Variants in PCDH9 observed in about 807,000 individuals in gnomAD.
PCDH9 encodes the protein protocadherin-9.
PCDH9 carries 24 observed loss-of-function variants against 70.6 expected under a neutral mutation model. The observed-to-expected ratio is 0.34, with a 90% CI of 0.25 to 0.48. The LOEUF (loss-of-function observed/expected upper bound fraction) is 0.48. PCDH9 is among the 20% of genes least tolerant of loss of function. The probability of loss-of-function intolerance (pLI) is 0.99; values close to 1 mark genes in which losing one functional copy is unlikely to be tolerated. For synonymous variants in PCDH9, 562 were observed against 558.5 expected (o/e 1.01, Z -0.09); for missense variants, 1,281 against 1,503.6 (o/e 0.85, Z 2.45).
chr13:66,530,009 A>AC (rs1274906053), intron 4 of PCDH9, among the ~76,000 whole-genome samples: 1 of 152,056 alleles, frequency 6.6e-6, no homozygotes, highest in Non-Finnish European at 1.5e-5. Context: ...CACATCATGA[A>AC]CACACACATG....
chr13:67,170,690 C>T (rs911173642), intron 2 of PCDH9, among the ~76,000 whole-genome samples: 18 of 152,170 alleles, frequency 1.2e-4, no homozygotes, highest in African/African-American at 3.9e-4. Flanking sequence ...TTTGGGAGGT[C>T]GAGGCCGGCG....
At chr13:66,910,463 A>G (rs1389527701) in intron 2 of PCDH9, among the ~76,000 whole-genome samples, 1 of 152,186 alleles carries the variant, frequency 6.6e-6, no homozygotes, top group Non-Finnish European at 1.5e-5. Context: ...TCCCTACCTT[A>G]TGGTACAATA....
At chr13:66,792,661 C>A (rs961981833) in intron 3 of PCDH9, among the ~76,000 whole-genome samples, 1 of 152,080 alleles carries the variant, frequency 6.6e-6, no homozygotes, top group Non-Finnish European at 1.5e-5. Flanking sequence ...AAGAGTTAAA[C>A]TCCATCTCAA....
chr13:66,514,195 T>A (rs1313744102), intron 4 of PCDH9, among the ~76,000 whole-genome samples: 1 of 152,134 alleles, frequency 6.6e-6, no homozygotes, highest in Non-Finnish European at 1.5e-5. Flanking sequence ...CAGTACTGTA[T>A]ACTTAATCAA....
intron 3 of PCDH9, among the ~76,000 whole-genome samples, chr13:66,741,906 G>A (rs1403049789): frequency 4.7e-5 from 7 of 149,498 alleles, no homozygotes; most frequent in South Asian, 2.1e-4. Flanking sequence ...TCGTGAAAAC[G>A]GCCATACTGC....
chr13:66,877,399 T>C (rs1261831571), intron 3 of PCDH9, among the ~76,000 whole-genome samples: 1 of 151,630 alleles, frequency 6.6e-6, no homozygotes, highest in Non-Finnish European at 1.5e-5. Context: ...TTTTTTTTGT[T>C]ATTATTTTTT....
chr13:66,683,825 T>C (rs2078361836), intron 3 of PCDH9, among the ~76,000 whole-genome samples: 2 of 149,286 alleles, frequency 1.3e-5, no homozygotes, highest in South Asian at 4.4e-4. Context: ...TATTCACACA[T>C]ACCCAAATTG....
intron 4 of PCDH9, among the ~76,000 whole-genome samples, chr13:66,628,813 T>C (rs2067625990): frequency 6.6e-6 from 1 of 152,240 alleles, no homozygotes; most frequent in South Asian, 2.1e-4. Context: ...TGAAGGTATA[T>C]ATAACATAAT....
chr13:66,773,590 A>T (rs71446822), intron 3 of PCDH9, among the ~76,000 whole-genome samples: 5,224 of 151,584 alleles, frequency 0.034, 155 homozygotes, highest in South Asian at 0.089. Flanking sequence ...AGATTGCGCT[A>T]CTGCACTCCA....
At chr13:66,334,587 G>A (rs1038929266) in intron 4 of PCDH9, among the ~76,000 whole-genome samples, 28 of 151,898 alleles carry the variant, frequency 1.8e-4, no homozygotes, top group Non-Finnish European at 3.5e-4. Flanking sequence ...ACAACAATGT[G>A]AGCCCAATTT....
intron 4 of PCDH9, among the ~76,000 whole-genome samples, chr13:66,325,460 G>C (rs1955827130): frequency 6.6e-6 from 1 of 152,006 alleles, no homozygotes; most frequent in African/African-American, 2.4e-5. Context: ...ATAATTTTAA[G>C]GGCAGAGATA....
At position 66,601,070 on chromosome 13, in the gene PCDH9, C is replaced by T. The variant is rs1387900094; in HGVS notation, c.3340+30140G>A. On this transcript the variant is annotated intron_variant, in intron 4 of 4. Coordinates refer to ENST00000377865, the MANE Select transcript of PCDH9 (RefSeq NM_203487.3). ...TCTATGAAGTCAGGCTATGAGAAAACATCAATTTATATTTGAAATGTCTTT... is the reference window on the plus strand; with the variant it reads ...TCTATGAAGTCAGGCTATGAGAAAATATCAATTTATATTTGAAATGTCTTT... 1.4e-5 allele frequency among the ~76,000 whole-genome samples: 2 copies of T among 144,852 alleles called. 1 individual carries two copies. The highest frequency in any genetic ancestry group is 3.1e-5 in the Non-Finnish European group (2 of 64,466).
At chr13:66,390,840 T>G (rs944504660) in intron 4 of PCDH9, among the ~76,000 whole-genome samples, 1 of 152,132 alleles carries the variant, frequency 6.6e-6, no homozygotes, top group African/African-American at 2.4e-5. Flanking sequence ...GCATAGAAAC[T>G]GCTATCATGG....
At chr13:66,454,201 G>T (rs1958271785) in intron 4 of PCDH9, among the ~76,000 whole-genome samples, 1 of 151,678 alleles carries the variant, frequency 6.6e-6, no homozygotes, top group African/African-American at 2.4e-5. Context: ...TTTGCAGCTT[G>T]TGAGTAGTTA....
chr13:66,517,801 AT>A (rs1237610254), intron 4 of PCDH9, among the ~76,000 whole-genome samples: 1 of 152,074 alleles, frequency 6.6e-6, no homozygotes, highest in African/African-American at 2.4e-5. Context: ...CCTCTTAATG[AT>A]TTTACATCTT....
chr13:67,001,840 T>C (rs2084251619), intron 2 of PCDH9: 1 of 152,194 alleles, frequency 6.6e-6, no homozygotes, highest in Non-Finnish European at 1.5e-5. Context: ...TTTTAATTTC[T>C]CCCAGTACAG....
chr13:67,054,330 C>T (rs1242950649), intron 2 of PCDH9, among the ~76,000 whole-genome samples: 1 of 152,126 alleles, frequency 6.6e-6, no homozygotes, highest in African/African-American at 2.4e-5. Flanking sequence ...ATTTACCTAT[C>T]TACACACACC....
intron 2 of PCDH9, among the ~76,000 whole-genome samples, chr13:66,976,305 G>C (rs1394006698): frequency 6.6e-6 from 1 of 152,044 alleles, no homozygotes; most frequent in East Asian, 1.9e-4. Context: ...GAAATGTATA[G>C]AAGATATGGT....
chr13:66,332,569 G>A (rs1311459391), intron 4 of PCDH9, among the ~76,000 whole-genome samples: 1 of 152,038 alleles, frequency 6.6e-6, no homozygotes, highest in Non-Finnish European at 1.5e-5. Context: ...TCTCATGGAT[G>A]AGGCACACAA....
Sources: gnomAD v4.1 joint callset for allele counts (sites outside exome capture counted in the v4.1 genomes callset) on GRCh38, gnomAD v4.1.1 for gene constraint, MANE v1.5 for transcripts, NCBI Gene and HGNC (gene_info 2026-07-23, HGNC 2026-07-21) for gene names.